The following CTBP1 variants were observed in gnomAD, a reference collection of about 807,000 sequenced individuals.
CTBP1 encodes the protein C-terminal binding protein 1.
CTBP1 carries 11 observed loss-of-function variants against 42.1 expected under a neutral mutation model. The ratio of observed to expected loss-of-function variants is 0.26; its 90% CI spans 0.16 to 0.43. CTBP1 has a LOEUF of 0.43. Ranked by LOEUF, CTBP1 falls within the 20% of genes least tolerant of loss-of-function variation. The pLI, the probability that CTBP1 is intolerant of heterozygous loss-of-function variation, is 1.00. For missense variants in CTBP1, 399 were observed against 624.3 expected, an observed-to-expected ratio of 0.64 and a Z score of 3.85; for synonymous variants, 324 against 277.1, an observed-to-expected ratio of 1.17 and a Z score of -1.68.
chr4:1,247,237 C>T (rs1732807510), intron 1 of CTBP1, among the ~76,000 whole-genome samples: 1 of 152,250 alleles, frequency 6.6e-6, no homozygotes, highest in South Asian at 2.1e-4. Flanking sequence ...ACATGGCAGA[C>T]ACCCCAAAAA....
intron 1 of CTBP1, among the ~76,000 whole-genome samples, chr4:1,247,463 G>GGGGAGACCT (rs1732834994): frequency 6.6e-6 from 1 of 152,184 alleles, no homozygotes; most frequent in Non-Finnish European, 1.5e-5. Flanking sequence ...CGGGCAGGCA[G>GGGGAGACCT]GGGAGACCTG....
At chr4:1,243,866 G>C in intron 1 of CTBP1, 1 of 985,456 alleles carries the variant, frequency 1.0e-6, no homozygotes, top group Non-Finnish European at 1.2e-6. Flanking sequence ...TCTCAGCCCA[G>C]CGACACGAGG....
At chr4:1,222,574 G>A (rs754519529) in intron 5 of CTBP1, among the ~76,000 whole-genome samples, 9 of 152,118 alleles carry the variant, frequency 5.9e-5, no homozygotes, top group Non-Finnish European at 1.3e-4. Context: ...CGGGGTCCCC[G>A]CACCTGCAGT....
chr4:1,228,139 A>G (rs1730580398), intron 4 of CTBP1, 60 bp downstream of exon 4: 1 of 1,594,968 alleles, frequency 6.3e-7, no homozygotes, highest in African/African-American at 1.3e-5. Flanking sequence ...TCCATGGACG[A>G]AGCAAGACGG....
Position 1,239,257 on chromosome 4 carries a change from C to T in CTBP1, c.8-920G>A, listed in dbSNP as rs117564208. On this transcript the variant is annotated intron_variant, in intron 2 of 9. Transcript: ENST00000382952. ...GCTTCCAGGCACCGCCCGACCGCCC[C>T]GTGCCAGGCAGGGAGCACCAGGTGG... Among the ~76,000 whole-genome samples the T allele has an allele frequency of 2.3e-3, 349 of 152,338 alleles. 4 individuals are homozygous for T. The East Asian group carries it at 0.043, about 19-fold the overall frequency.
At chr4:1,245,450 C>T (rs1051950745) in intron 1 of CTBP1, 17 of 985,330 alleles carry the variant, frequency 1.7e-5, no homozygotes, top group Non-Finnish European at 1.9e-5. Flanking sequence ...AGTCTACACA[C>T]GACACCACTG....
At chr4:1,220,278 A>C (rs1297090957) in intron 5 of CTBP1, among the ~76,000 whole-genome samples, 5 of 151,770 alleles carry the variant, frequency 3.3e-5, no homozygotes, top group African/African-American at 1.2e-4. Flanking sequence ...GCGACAGAGC[A>C]AGACTGTCTC....
At position 1,238,404 on chromosome 4, in the gene CTBP1, C is replaced by T. The variant is rs1731798747; in HGVS notation, c.8-67G>A. ...CCCCGTGGCTACAACCCACTCCACG[C>T]CACCCACTGTGCACGGGCCAACGAG... On this transcript the variant is annotated intron_variant, in intron 2 of 9. Coordinates refer to ENST00000382952, the MANE Select transcript of CTBP1 (RefSeq NM_001012614.2). The surrounding 1 kb of genome is among the most constrained non-coding windows in gnomAD (Gnocchi z 5.9). The T allele has an allele frequency of 1.3e-6, 2 of 1,496,094 alleles. No individual in the cohort carries two copies. The highest frequency in any genetic ancestry group is 2.3e-5 in the Admixed American group (1 of 44,430). 92.7% of individuals were successfully genotyped at this position (1,496,094 alleles called of 1,614,324 possible). A position where few individuals can be genotyped will look rare whatever the true frequency, so the allele number is the denominator to read the frequency against.
At chr4:1,225,917 C>A (rs951330594) in intron 4 of CTBP1, among the ~76,000 whole-genome samples, 1 of 152,084 alleles carries the variant, frequency 6.6e-6, no homozygotes, top group Non-Finnish European at 1.5e-5. Flanking sequence ...ACCTCGCCAC[C>A]CCGATTCCTC....
At chr4:1,229,331 C>T (rs549943275) in intron 3 of CTBP1, among the ~76,000 whole-genome samples, 1 of 152,368 alleles carries the variant, frequency 6.6e-6, no homozygotes, top group East Asian at 1.9e-4. Context: ...CCCACACTCC[C>T]GTGCATGACA....
chr4:1,243,357 C>A (rs1264477367), intron 1 of CTBP1: 11 of 985,268 alleles, frequency 1.1e-5, no homozygotes, highest in Non-Finnish European at 1.3e-5. Context: ...TGTGGCAGGG[C>A]TCCTGGGGCC....
In CTBP1 at chr4:1,223,672, C is replaced by T. The variant is rs139105198; in HGVS notation, c.514+1688G>A. Among the ~76,000 whole-genome samples the T allele has an allele frequency of 6.6e-4, 101 of 152,182 alleles. 2 individuals carry two copies. The East Asian group carries it at 0.017, about 26-fold the overall frequency. On this transcript the variant is annotated intron_variant, in intron 5 of 9. Transcript: ENST00000382952. ...GTCTTCAGAAAAGGTACACCACCCC[C>T]GCCCACCCTCTCAGGGAGCACCTTC...
chr4:1,245,284 T>C, intron 1 of CTBP1: 2 of 985,384 alleles, frequency 2.0e-6, no homozygotes, highest in Non-Finnish European at 2.4e-6. Flanking sequence ...CCAGCAAGAT[T>C]CCTCTCCAGG....
chr4:1,216,614 G>T (rs1372754390), intron 5 of CTBP1: 1 of 269,182 alleles, frequency 3.7e-6, no homozygotes, highest in Non-Finnish European at 7.2e-6. Context: ...CAATGTTTCC[G>T]GCATCTCAAT....
intron 1 of CTBP1, 34 bp from the exon 2 acceptor site, chr4:1,241,553 C>CCAT (rs771198852): frequency 3.2e-6 from 5 of 1,550,242 alleles, no homozygotes; most frequent in Non-Finnish European, 4.3e-6. Flanking sequence ...CATTAAAATG[C>CCAT]CATCGAAGGT....
chr4:1,212,740 C>T (rs1176573468), intron 9 of CTBP1, 173 bp downstream of exon 9: 7 of 649,556 alleles, frequency 1.1e-5, no homozygotes, highest in Non-Finnish European at 1.6e-5. Context: ...AGGCTCCTTC[C>T]AAGAGGCCCT....
chr4:1,249,840 C>G (rs1733164234), upstream of CTBP1: 1 of 212,180 alleles, frequency 4.7e-6, no homozygotes, highest in Non-Finnish European at 1.0e-5. Context: ...AACCAACGTC[C>G]TGACAGCTCA....
intron 5 of CTBP1, among the ~76,000 whole-genome samples, chr4:1,222,749 C>T (rs977392910): frequency 1.3e-5 from 2 of 151,794 alleles, no homozygotes; most frequent in Non-Finnish European, 1.5e-5. Context: ...CCCAGCTCCA[C>T]AATCAGCCTG....
chr4:1,218,411 A>C (rs1336620590), intron 5 of CTBP1: 2 of 152,180 alleles, frequency 1.3e-5, no homozygotes, highest in Non-Finnish European at 2.9e-5. Flanking sequence ...TCCACAAAAA[A>C]AAAAAAGGCA....
Sources: allele counts gnomAD v4.1 joint callset (sites outside exome capture counted in the v4.1 genomes callset), GRCh38; gene constraint gnomAD v4.1.1; non-coding constraint Gnocchi (gnomAD v3.1); transcripts MANE v1.5; gene names NCBI Gene and HGNC (gene_info 2026-07-23, HGNC 2026-07-21).